Variants in GRXCR1 observed in about 807,000 individuals in gnomAD.
GRXCR1 encodes glutaredoxin and cysteine rich domain containing 1.
Under a neutral mutation model 27.3 loss-of-function variants are expected in GRXCR1, and 27 were observed. The observed-to-expected ratio is 0.99, with a 90% CI of 0.73 to 1.37. The LOEUF is 1.37. Among genes scored for constraint, GRXCR1 ranks in the 40% most tolerant of loss-of-function variants. The pLI, the probability that GRXCR1 is intolerant of heterozygous loss-of-function variation, is 0.00. For missense variants in GRXCR1, 379 were observed against 354.4 expected (o/e 1.07, Z -0.56); for synonymous variants, 122 against 131.1 (o/e 0.93, Z 0.47).
chr4:43,026,040 G>A (rs966551838), intron 3 of GRXCR1, among the ~76,000 whole-genome samples: 1 of 133,890 alleles, frequency 7.5e-6, no homozygotes, highest in Non-Finnish European at 1.6e-5. Flanking sequence ...AATGAAGCCT[G>A]TTTTGTTACT....
chr4:42,982,730 T>C (rs1299435140), intron 2 of GRXCR1, among the ~76,000 whole-genome samples: 160 of 146,840 alleles, frequency 1.1e-3, no homozygotes, highest in African/African-American at 3.8e-3. Flanking sequence ...GTTTCCTGAC[T>C]TTTTAATGAT....
chr4:42,912,892 C>G (rs1460165515), intron 1 of GRXCR1, among the ~76,000 whole-genome samples: 1 of 152,070 alleles, frequency 6.6e-6, no homozygotes, highest in African/African-American at 2.4e-5. Context: ...GCAGTTTCCC[C>G]TCTAGTGTCT....
chr4:42,982,062 T>C (rs1748684743), intron 2 of GRXCR1, among the ~76,000 whole-genome samples: 1 of 151,836 alleles, frequency 6.6e-6, no homozygotes, highest in Non-Finnish European at 1.5e-5. Flanking sequence ...CTTCTTTTTT[T>C]TTTTTATTAT....
At chr4:42,941,366 C>T (rs962429792) in intron 1 of GRXCR1, among the ~76,000 whole-genome samples, 5 of 151,980 alleles carry the variant, frequency 3.3e-5, no homozygotes, top group South Asian at 2.1e-4. Context: ...AACCTGAAGG[C>T]TAAGTTTGAC....
At chr4:43,023,807 C>A (rs1411262655) in intron 3 of GRXCR1, among the ~76,000 whole-genome samples, 1 of 152,012 alleles carries the variant, frequency 6.6e-6, no homozygotes, top group Non-Finnish European at 1.5e-5. Context: ...GGAGGCAAAG[C>A]ATTCAAGAGA....
At chr4:42,987,472 G>C (rs150646283) in intron 2 of GRXCR1, among the ~76,000 whole-genome samples, 186 of 151,184 alleles carry the variant, frequency 1.2e-3, no homozygotes, top group African/African-American at 4.3e-3. Context: ...TGTAGAGACG[G>C]GGGTCTCACT....
intron 2 of GRXCR1, among the ~76,000 whole-genome samples, chr4:43,020,123 C>T (rs1713048641): frequency 6.6e-6 from 1 of 152,054 alleles, no homozygotes. Context: ...CTGGAGCTTG[C>T]CTCCTGCTGG....
At chr4:43,008,507 C>T (rs1203087448) in intron 2 of GRXCR1, among the ~76,000 whole-genome samples, 2 of 152,208 alleles carry the variant, frequency 1.3e-5, no homozygotes, top group Non-Finnish European at 1.5e-5. Flanking sequence ...GTGTTCTTAA[C>T]ATATCTTCCA....
chr4:42,995,065 A>G (rs1235626724), intron 2 of GRXCR1, among the ~76,000 whole-genome samples: 1 of 152,196 alleles, frequency 6.6e-6, no homozygotes, highest in Non-Finnish European at 1.5e-5. Flanking sequence ...TATTTATCAA[A>G]AGCATTTTTC....
intron 1 of GRXCR1, among the ~76,000 whole-genome samples, chr4:42,959,547 T>G (rs1748083055): frequency 6.6e-6 from 1 of 151,950 alleles, no homozygotes; most frequent in South Asian, 2.1e-4. Flanking sequence ...TTTTAGGCAA[T>G]TTTACCGCAA....
intron 1 of GRXCR1, among the ~76,000 whole-genome samples, chr4:42,950,246 G>A (rs1747850273): frequency 6.6e-6 from 1 of 152,110 alleles, no homozygotes. Context: ...ATACTCTGAT[G>A]CCATTGTTCA....
At chr4:42,894,822 A>G (rs1006278342) in intron 1 of GRXCR1, among the ~76,000 whole-genome samples, 2 of 152,106 alleles carry the variant, frequency 1.3e-5, no homozygotes, top group Non-Finnish European at 2.9e-5. Context: ...GTTTCTAGAG[A>G]TGTGATTATT....
chr4:43,007,775 A>G (rs1372053262), intron 2 of GRXCR1, among the ~76,000 whole-genome samples: 1 of 152,224 alleles, frequency 6.6e-6, no homozygotes, highest in Non-Finnish European at 1.5e-5. Flanking sequence ...TAGTAGCTAC[A>G]TGCTTTAGCT....
intron 1 of GRXCR1, among the ~76,000 whole-genome samples, chr4:42,951,095 T>C (rs1747873019): frequency 6.6e-6 from 1 of 152,086 alleles, no homozygotes; most frequent in Non-Finnish European, 1.5e-5. Context: ...TAACTGATGG[T>C]GTAGATTTAA....
intron 1 of GRXCR1, among the ~76,000 whole-genome samples, chr4:42,946,259 G>C (rs529729598): frequency 6.8e-6 from 1 of 147,832 alleles, no homozygotes; most frequent in Non-Finnish European, 1.5e-5. Flanking sequence ...ACAGGAAAAA[G>C]GTCACTGCAA....
chr4:43,007,482 A>G (rs1458467010), intron 2 of GRXCR1, among the ~76,000 whole-genome samples: 1 of 152,218 alleles, frequency 6.6e-6, no homozygotes, highest in African/African-American at 2.4e-5. Context: ...GGAGAATGAC[A>G]AGTGAAGTGA....
intron 1 of GRXCR1, among the ~76,000 whole-genome samples, chr4:42,910,484 G>A (rs1746697822): frequency 6.6e-6 from 1 of 152,090 alleles, no homozygotes; most frequent in African/African-American, 2.4e-5. Flanking sequence ...TTATACTCCT[G>A]GGCTACATAT....
chr4:42,903,099 C>T (rs1251470626), intron 1 of GRXCR1, among the ~76,000 whole-genome samples: 1 of 152,032 alleles, frequency 6.6e-6, no homozygotes, highest in Non-Finnish European at 1.5e-5. Context: ...ACAACCGGAG[C>T]CCGAAGGCTG....
chr4:43,007,832 A>G (rs1712613491), intron 2 of GRXCR1, among the ~76,000 whole-genome samples: 1 of 152,242 alleles, frequency 6.6e-6, no homozygotes, highest in Admixed American at 6.5e-5. Context: ...TTTGGATCTT[A>G]GAAGCTGCCT....
Sources: gnomAD v4.1 joint callset for allele counts (sites outside exome capture counted in the v4.1 genomes callset) on GRCh38, gnomAD v4.1.1 for gene constraint, MANE v1.5 for transcripts, NCBI Gene and HGNC (gene_info 2026-07-23, HGNC 2026-07-21) for gene names.